Variants in PHACTR1 observed in about 807,000 individuals in gnomAD.
PHACTR1 encodes RPEL repeat containing 1.
In PHACTR1, 16 loss-of-function variants were observed where a neutral mutation model predicts 69.2. That is an observed-to-expected ratio of 0.23 (90% CI 0.16 to 0.35). PHACTR1 has a LOEUF of 0.35. Among genes scored for constraint, PHACTR1 ranks in the 10% least tolerant of loss-of-function variants. The pLI is 1.00. For missense variants in PHACTR1, 510 were observed against 734.7 expected (o/e 0.69, Z 3.54); for synonymous variants, 312 against 284.5 (o/e 1.10, Z -0.97).
intron 4 of PHACTR1, among the ~76,000 whole-genome samples, chr6:12,903,563 C>G (rs1375551350): frequency 6.6e-6 from 1 of 152,196 alleles, no homozygotes; most frequent in East Asian, 1.9e-4. Flanking sequence ...TCCAAGGCTC[C>G]CCACTGGTTT....
In PHACTR1 at chr6:12,835,359, G is replaced by A. The variant is rs529351992; in HGVS notation, c.250+85569G>A. On this transcript the variant is annotated intron_variant, in intron 4 of 14. Coordinates refer to ENST00000332995, the MANE Select transcript of PHACTR1 (RefSeq NM_030948.6). ...GGGTAGTTCAGAGGAGGGTTGGACC[G>A]CTCCCTGGCCTAACCCTTAATCAAG... Among the ~76,000 whole-genome samples, 21 of 152,068 alleles carry A rather than the reference G, an allele frequency of 1.4e-4. 1 individual carries two copies. The highest frequency in any genetic ancestry group is 9.8e-4 in the Admixed American group (15 of 15,248).
At chr6:12,964,056 A>T (rs890732419) in intron 4 of PHACTR1, among the ~76,000 whole-genome samples, 7 of 152,238 alleles carry the variant, frequency 4.6e-5, no homozygotes, top group African/African-American at 1.7e-4. Context: ...GTTCATATGT[A>T]GAATTTCTCA....
chr6:13,040,489 T>C (rs945821239), intron 4 of PHACTR1, among the ~76,000 whole-genome samples: 2 of 152,190 alleles, frequency 1.3e-5, no homozygotes, highest in African/African-American at 2.4e-5. Context: ...ATTTGACAGA[T>C]GATAAGCCCA....
intron 4 of PHACTR1, among the ~76,000 whole-genome samples, chr6:13,052,868 G>A (rs1473157533): frequency 6.6e-6 from 1 of 152,220 alleles, no homozygotes; most frequent in Non-Finnish European, 1.5e-5. Flanking sequence ...GAAGGTCTAG[G>A]TAAAGCCAGG....
chr6:13,187,025 G>T (rs371470831), intron 7 of PHACTR1, among the ~76,000 whole-genome samples: 2 of 152,122 alleles, frequency 1.3e-5, no homozygotes, highest in African/African-American at 4.8e-5. Context: ...CCTCACATGC[G>T]CAGTTCACAA....
intron 4 of PHACTR1, among the ~76,000 whole-genome samples, chr6:12,793,445 A>G (rs1581775635): frequency 6.6e-6 from 1 of 152,212 alleles, no homozygotes; most frequent in Non-Finnish European, 1.5e-5. Flanking sequence ...ATCTTTTTGT[A>G]TATCAAGTGA....
At chr6:12,820,373 G>A (rs559506220) in intron 4 of PHACTR1, among the ~76,000 whole-genome samples, 1 of 152,086 alleles carries the variant, frequency 6.6e-6, no homozygotes, top group African/African-American at 2.4e-5. Context: ...GTAGAGACAG[G>A]GTTTCACCAT....
intron 8 of PHACTR1, among the ~76,000 whole-genome samples, chr6:13,214,586 C>T (rs1046401169): frequency 1.3e-5 from 2 of 152,074 alleles, no homozygotes; most frequent in Non-Finnish European, 2.9e-5. Context: ...TATCCAGTGT[C>T]CTTAGACTAA....
At chr6:12,949,262 G>A (rs6929107) in intron 4 of PHACTR1, among the ~76,000 whole-genome samples, 1 of 129,724 alleles carries the variant, frequency 7.7e-6, no homozygotes, top group Non-Finnish European at 1.6e-5. Context: ...AGAGCGAAAC[G>A]TCATCTCAAA....
intron 4 of PHACTR1, among the ~76,000 whole-genome samples, chr6:12,811,871 C>T (rs1423043899): frequency 2.6e-5 from 4 of 152,084 alleles, no homozygotes; most frequent in Non-Finnish European, 4.4e-5. Flanking sequence ...ACACAGGGCT[C>T]AGCTCGTGGT....
intron 10 of PHACTR1, among the ~76,000 whole-genome samples, chr6:13,258,738 A>G (rs1031793962): frequency 2.6e-5 from 4 of 152,252 alleles, no homozygotes; most frequent in Admixed American, 2.6e-4. Context: ...GCTCCTAGAA[A>G]GAAGGTTCAT....
At chr6:13,285,781 G>A (rs778976534) in intron 13 of PHACTR1, among the ~76,000 whole-genome samples, 1 of 152,186 alleles carries the variant, frequency 6.6e-6, no homozygotes, top group Non-Finnish European at 1.5e-5. Flanking sequence ...CACTGTGCCT[G>A]TGCTGAGCTT....
At chr6:12,764,405 A>C (rs1211162374) in intron 4 of PHACTR1, among the ~76,000 whole-genome samples, 6 of 152,204 alleles carry the variant, frequency 3.9e-5, no homozygotes, top group African/African-American at 1.4e-4. Context: ...TCTTGAGCAC[A>C]GTCTAGTATC....
chr6:12,867,774 G>A (rs183447953), intron 4 of PHACTR1, among the ~76,000 whole-genome samples: 25 of 152,076 alleles, frequency 1.6e-4, no homozygotes, highest in African/African-American at 5.1e-4. Context: ...TATTTGTTGG[G>A]TTTTTTTCCT....
intron 4 of PHACTR1, among the ~76,000 whole-genome samples, chr6:12,893,759 A>G (rs1784378617): frequency 6.6e-6 from 1 of 152,206 alleles, no homozygotes; most frequent in Non-Finnish European, 1.5e-5. Flanking sequence ...CTTCTCCCTC[A>G]GGGACAAGCA....
At chr6:12,873,808 TACAGTA>T (rs5874392) in intron 4 of PHACTR1, among the ~76,000 whole-genome samples, 44,880 of 151,780 alleles carry the variant, frequency 0.3, 8,229 homozygotes, top group South Asian at 0.45. Flanking sequence ...TTCTGCTTTG[TACAGTA>T]ACAACATATG....
At chr6:13,009,695 G>C (rs1013029154) in intron 4 of PHACTR1, among the ~76,000 whole-genome samples, 4 of 152,068 alleles carry the variant, frequency 2.6e-5, no homozygotes, top group African/African-American at 9.7e-5. Context: ...TTCAGCCTTG[G>C]GGGATTTCAA....
At chr6:12,929,421 A>T (rs550596146) in intron 4 of PHACTR1, among the ~76,000 whole-genome samples, 1 of 152,180 alleles carries the variant, frequency 6.6e-6, no homozygotes, top group Non-Finnish European at 1.5e-5. Flanking sequence ...CAAACTGTTC[A>T]TCACAGAAAT....
chr6:13,265,202 C>T (rs1392528131), intron 10 of PHACTR1, among the ~76,000 whole-genome samples: 1 of 152,144 alleles, frequency 6.6e-6, no homozygotes, highest in African/African-American at 2.4e-5. Flanking sequence ...CTTCCTGCCA[C>T]GCCACTGAAG....
Sources: gnomAD v4.1 joint callset for allele counts (sites outside exome capture counted in the v4.1 genomes callset) on GRCh38, gnomAD v4.1.1 for gene constraint, MANE v1.5 for transcripts, NCBI Gene and HGNC (gene_info 2026-07-23, HGNC 2026-07-21) for gene names.